KCNIP4: variants seen among roughly 807,000 people sequenced by gnomAD.
KCNIP4 encodes potassium voltage-gated channel interacting protein 4.
Under a neutral mutation model 34.0 loss-of-function variants are expected in KCNIP4, and 12 were observed. That is an observed-to-expected ratio of 0.35 (90% CI 0.23 to 0.57). The LOEUF (loss-of-function observed/expected upper bound fraction) is 0.57. KCNIP4 is among the 20% of genes least tolerant of loss of function. The pLI is 0.83. For missense variants in KCNIP4, 238 were observed against 311.7 expected (o/e 0.76, Z 1.78); for synonymous variants, 124 against 102.2 (o/e 1.21, Z -1.29).
chr4:21,767,312 T>C (rs951185117), intron 1 of KCNIP4, among the ~76,000 whole-genome samples: 11 of 151,860 alleles, frequency 7.2e-5, no homozygotes, highest in African/African-American at 2.4e-4. Flanking sequence ...GGAATCTATG[T>C]GGGGGTTCAG....
intron 1 of KCNIP4, among the ~76,000 whole-genome samples, chr4:21,423,323 TAA>T (rs1725649396): frequency 6.6e-6 from 1 of 152,332 alleles, no homozygotes; most frequent in East Asian, 1.9e-4. Context: ...GCAAAAAACA[TAA>T]GTTTGAGTTC....
intron 1 of KCNIP4, among the ~76,000 whole-genome samples, chr4:21,629,495 A>G (rs575463705): frequency 6.6e-6 from 1 of 152,280 alleles, no homozygotes; most frequent in African/African-American, 2.4e-5. Context: ...TTAGAGTCCA[A>G]TTCACTGCTA....
chr4:21,861,344 T>C (rs1725061634), intron 1 of KCNIP4, among the ~76,000 whole-genome samples: 1 of 152,210 alleles, frequency 6.6e-6, no homozygotes, highest in Non-Finnish European at 1.5e-5. Flanking sequence ...GTGTGCTCTT[T>C]ACCACTCTGC....
chr4:21,497,803 T>C (rs1177190490), intron 1 of KCNIP4, among the ~76,000 whole-genome samples: 1 of 152,106 alleles, frequency 6.6e-6, no homozygotes, highest in African/African-American at 2.4e-5. Context: ...CTTTATATAA[T>C]TCATAAAAAA....
At chr4:21,099,322 T>C (rs1241900419) in intron 1 of KCNIP4, among the ~76,000 whole-genome samples, 7 of 152,086 alleles carry the variant, frequency 4.6e-5, no homozygotes, top group Non-Finnish European at 5.9e-5. Flanking sequence ...TTTGCACGGA[T>C]GGAGCTGGAA....
chr4:20,914,403 G>A (rs376358840), intron 1 of KCNIP4, among the ~76,000 whole-genome samples: 4 of 152,046 alleles, frequency 2.6e-5, no homozygotes, highest in South Asian at 2.1e-4. Context: ...AAGAGACCCC[G>A]GAGAGCTCCC....
chr4:21,353,742 G>A (rs977071653), intron 1 of KCNIP4, among the ~76,000 whole-genome samples: 1 of 152,200 alleles, frequency 6.6e-6, no homozygotes, highest in Non-Finnish European at 1.5e-5. Flanking sequence ...TTATCCAGGA[G>A]AACTTCCTCA....
At chr4:21,363,106 A>T (rs868428221) in intron 1 of KCNIP4, among the ~76,000 whole-genome samples, 2 of 152,174 alleles carry the variant, frequency 1.3e-5, no homozygotes, top group African/African-American at 2.4e-5. Context: ...ACAGAGCCTC[A>T]GAGAGGTTTA....
chr4:20,837,727 G>A (rs1230260733), intron 3 of KCNIP4, among the ~76,000 whole-genome samples: 2 of 146,404 alleles, frequency 1.4e-5, no homozygotes, highest in African/African-American at 5.1e-5. Flanking sequence ...CTGTCACCCA[G>A]GCTGGAGTAC....
intron 2 of KCNIP4, among the ~76,000 whole-genome samples, chr4:20,870,558 C>G (rs970289214): frequency 1.4e-4 from 21 of 152,050 alleles, no homozygotes; most frequent in African/African-American, 5.1e-4. Context: ...AAATCTTTGT[C>G]CCCTAAATTG....
intron 1 of KCNIP4, among the ~76,000 whole-genome samples, chr4:21,222,966 T>C: frequency 6.6e-6 from 1 of 152,214 alleles, no homozygotes; most frequent in East Asian, 1.9e-4. Flanking sequence ...CCTGGCTTCC[T>C]GGATTTGAAC....
intron 1 of KCNIP4, among the ~76,000 whole-genome samples, chr4:21,371,257 G>T (rs973970715): frequency 2.7e-5 from 4 of 146,198 alleles, no homozygotes; most frequent in East Asian, 2.0e-4. Context: ...CTTCTGCTGA[G>T]CTTTGAGGCA....
At chr4:21,840,760 C>T (rs746384347) in intron 1 of KCNIP4, among the ~76,000 whole-genome samples, 3 of 152,140 alleles carry the variant, frequency 2.0e-5, no homozygotes, top group Non-Finnish European at 4.4e-5. Flanking sequence ...GAATTCATCA[C>T]CTTAATGGCA....
intron 1 of KCNIP4, among the ~76,000 whole-genome samples, chr4:21,671,146 C>T (rs891824034): frequency 1.3e-5 from 2 of 151,130 alleles, no homozygotes; most frequent in Non-Finnish European, 2.9e-5. Flanking sequence ...TTATTTTTAT[C>T]GCATGCCTCA....
At chr4:20,958,684 G>A (rs1017764484) in intron 1 of KCNIP4, among the ~76,000 whole-genome samples, 36 of 152,228 alleles carry the variant, frequency 2.4e-4, no homozygotes, top group African/African-American at 6.5e-4. Context: ...TTTCCTAGGC[G>A]TTTGTTACAG....
chr4:21,744,925 C>G (rs915248063), intron 1 of KCNIP4, among the ~76,000 whole-genome samples: 2 of 152,168 alleles, frequency 1.3e-5, no homozygotes, highest in African/African-American at 2.4e-5. Flanking sequence ...CACCGACCTA[C>G]CGTGGTTCAA....
chr4:21,254,796 C>G (rs1255496820), intron 1 of KCNIP4, among the ~76,000 whole-genome samples: 1 of 152,172 alleles, frequency 6.6e-6, no homozygotes, highest in African/African-American at 2.4e-5. Context: ...TGTAACCAAA[C>G]TTTGGTTTTT....
At chr4:21,880,868 A>C (rs1726420720) in intron 1 of KCNIP4, among the ~76,000 whole-genome samples, 1 of 152,202 alleles carries the variant, frequency 6.6e-6, no homozygotes, top group African/African-American at 2.4e-5. Flanking sequence ...ATGACCCTAT[A>C]GTTTTAACCT....
chr4:21,425,961 G>A (rs1725897693), intron 1 of KCNIP4, among the ~76,000 whole-genome samples: 1 of 152,148 alleles, frequency 6.6e-6, no homozygotes, highest in Non-Finnish European at 1.5e-5. Context: ...GGCTGAGGTG[G>A]GAGGATCCTT....
Sources: allele counts gnomAD v4.1 joint callset (sites outside exome capture counted in the v4.1 genomes callset), GRCh38; gene constraint gnomAD v4.1.1; transcripts MANE v1.5; gene names NCBI Gene and HGNC (gene_info 2026-07-23, HGNC 2026-07-21).